SOX6: variants seen among roughly 807,000 people sequenced by gnomAD.
SOX6 encodes the protein SRY-box transcription factor 6.
In SOX6, 11 loss-of-function variants were observed where a neutral mutation model predicts 97.8. That is an observed-to-expected ratio of 0.11 (90% CI 0.07 to 0.19). The LOEUF (loss-of-function observed/expected upper bound fraction) is 0.19, where lower values mean the gene tolerates loss of function less well. Among genes scored for constraint, SOX6 ranks in the 10% least tolerant of loss-of-function variants. The pLI is 1.00. For missense variants in SOX6, 810 were observed against 1,039.5 expected, an observed-to-expected ratio of 0.78 and a Z score of 3.04; for synonymous variants, 360 against 371.4, an observed-to-expected ratio of 0.97 and a Z score of 0.35.
At chr11:16,324,300 G>A (rs1252100093) in intron 2 of SOX6, among the ~76,000 whole-genome samples, 1 of 151,954 alleles carries the variant, frequency 6.6e-6, no homozygotes, top group Non-Finnish European at 1.5e-5. Context: ...TAAAACATAA[G>A]GAATTGATGA....
chr11:16,357,713 A>G (rs914129371), upstream of SOX6, among the ~76,000 whole-genome samples: 25 of 152,144 alleles, frequency 1.6e-4, no homozygotes, highest in African/African-American at 4.8e-4. Flanking sequence ...ACCAAGCCAC[A>G]CCTAAACAAA....
intron 3 of SOX6, among the ~76,000 whole-genome samples, chr11:16,661,890 C>T (rs1343875451): frequency 3.9e-5 from 6 of 152,112 alleles, no homozygotes; most frequent in African/African-American, 1.4e-4. Flanking sequence ...CCTCGTTTTC[C>T]ATGCTGCTTC....
At chr11:16,242,037 C>A (rs1030608802) in intron 3 of SOX6, among the ~76,000 whole-genome samples, 2 of 151,884 alleles carry the variant, frequency 1.3e-5, no homozygotes, top group African/African-American at 2.4e-5. Context: ...AAAACCATAA[C>A]CAAAAGTGTC....
At chr11:16,682,314 C>T (rs1005030564) in intron 3 of SOX6, among the ~76,000 whole-genome samples, 3 of 152,090 alleles carry the variant, frequency 2.0e-5, no homozygotes, top group Admixed American at 6.5e-5. Flanking sequence ...AACAAGACTC[C>T]GTCTCAAAAG....
intron 6 of SOX6, among the ~76,000 whole-genome samples, chr11:16,165,427 CTTATT>C (rs1458447170): frequency 2.6e-5 from 4 of 152,190 alleles, no homozygotes; most frequent in African/African-American, 9.6e-5. Flanking sequence ...CTCAAGATTT[CTTATT>C]TTAACATAAT....
intron 3 of SOX6, among the ~76,000 whole-genome samples, chr11:16,669,578 G>A (rs758935862): frequency 6.6e-6 from 1 of 152,216 alleles, no homozygotes; most frequent in Non-Finnish European, 1.5e-5. Flanking sequence ...ATTGAGCCAG[G>A]GGCATCTCTG....
chr11:16,716,545 A>G (rs2134050921), intron 2 of SOX6, among the ~76,000 whole-genome samples: 1 of 152,348 alleles, frequency 6.6e-6, no homozygotes, highest in African/African-American at 2.4e-5. Context: ...AATTGGTACA[A>G]GCAGTTTGGA....
At chr11:16,132,694 C>CTT (rs111965760) in intron 6 of SOX6, among the ~76,000 whole-genome samples, 4 of 137,218 alleles carry the variant, frequency 2.9e-5, no homozygotes, top group Non-Finnish European at 6.4e-5. Flanking sequence ...ATCGGGTTAC[C>CTT]TTTTTTTTTT....
At chr11:15,986,549 T>G in intron 14 of SOX6, 129 bp from the exon 15 acceptor site, 1 of 799,938 alleles carries the variant, frequency 1.3e-6, no homozygotes, top group South Asian at 1.4e-5. Flanking sequence ...CACATACCAC[T>G]GGCTGTCCCA....
intron 1 of SOX6, among the ~76,000 whole-genome samples, chr11:16,475,392 C>T (rs188168891): frequency 6.6e-6 from 1 of 152,226 alleles, no homozygotes; most frequent in East Asian, 1.9e-4. Flanking sequence ...TAATGTGAGA[C>T]TTTTATGTGC....
intron 6 of SOX6, among the ~76,000 whole-genome samples, chr11:16,183,429 A>G (rs1057470458): frequency 6.6e-6 from 1 of 152,068 alleles, no homozygotes; most frequent in Non-Finnish European, 1.5e-5. Flanking sequence ...GAAGGAATAC[A>G]ATTAATATTT....
intron 15 of SOX6, among the ~76,000 whole-genome samples, chr11:15,974,637 G>A (rs61882859): frequency 2.0e-3 from 301 of 149,174 alleles, no homozygotes; most frequent in Middle Eastern, 0.014. Flanking sequence ...GAGAATATGC[G>A]GTGTTTGGTT....
At chr11:16,214,082 G>C (rs753018597) in intron 4 of SOX6, among the ~76,000 whole-genome samples, 25 of 152,148 alleles carry the variant, frequency 1.6e-4, no homozygotes, top group Non-Finnish European at 2.8e-4. Flanking sequence ...GCCATAACAA[G>C]GTATGTTAAG....
rs1853344808 is a variant in SOX6, at chr11:15,972,470, A to G, written c.*339T>C. ...AACCCCATCTAAAACAGTAACTTAA[A>G]CCTTTATCAACATCCAAAAGAAAAA... On this transcript the variant is annotated 3_prime_UTR_variant, in exon 16 of 16. Coordinates refer to ENST00000683767, the MANE Select transcript of SOX6 (RefSeq NM_001367873.1). 1 of 320,006 alleles carries G rather than the reference A, an allele frequency of 3.1e-6. No individual in the cohort carries two copies. Among genetic ancestry groups the G allele is most frequent in the Non-Finnish European group, 5.9e-6 (1 of 169,120 alleles). 19.8% of individuals were successfully genotyped at this position (320,006 alleles called of 1,614,324 possible).
intron 1 of SOX6, among the ~76,000 whole-genome samples, chr11:16,400,087 A>G (rs2134440740): frequency 6.6e-6 from 1 of 151,686 alleles, no homozygotes; most frequent in Non-Finnish European, 1.5e-5. Flanking sequence ...ATATTGTTGA[A>G]CATGTTTAAT....
At chr11:16,215,567 A>G (rs1404786527) in intron 4 of SOX6, among the ~76,000 whole-genome samples, 1 of 152,202 alleles carries the variant, frequency 6.6e-6, no homozygotes, top group East Asian at 1.9e-4. Flanking sequence ...TCAACTGTCT[A>G]ATAGCCAGAG....
chr11:16,510,881 G>A (rs544205343), intron 4 of SOX6, among the ~76,000 whole-genome samples: 2 of 152,082 alleles, frequency 1.3e-5, no homozygotes, highest in South Asian at 4.2e-4. Context: ...TGGGGAGTGG[G>A]TGATAGAGGA....
intron 7 of SOX6, among the ~76,000 whole-genome samples, chr11:16,104,554 A>G (rs1333929864): frequency 6.6e-6 from 1 of 151,736 alleles, no homozygotes; most frequent in Non-Finnish European, 1.5e-5. Context: ...ATTACCACTT[A>G]TATCTAAGAG....
chr11:16,640,118 A>C (rs1848872641), intron 3 of SOX6, among the ~76,000 whole-genome samples: 1 of 152,184 alleles, frequency 6.6e-6, no homozygotes, highest in Non-Finnish European at 1.5e-5. Context: ...TTTTAGTATG[A>C]AGGGCTGTTG....
Sources: gnomAD v4.1 joint callset for allele counts (sites outside exome capture counted in the v4.1 genomes callset) on GRCh38, gnomAD v4.1.1 for gene constraint, MANE v1.5 for transcripts, NCBI Gene and HGNC (gene_info 2026-07-23, HGNC 2026-07-21) for gene names.